TRIM37: variants seen among roughly 807,000 people sequenced by gnomAD.
TRIM37 encodes E3 ubiquitin-protein ligase TRIM37.
A neutral mutation model predicts 129.8 loss-of-function variants in TRIM37; 80 were observed. The observed-to-expected ratio is 0.62, with a 90% CI of 0.51 to 0.74. The LOEUF is 0.74. Among genes scored for constraint, TRIM37 ranks in the 30% least tolerant of loss-of-function variants. The pLI is 0.00. For missense variants in TRIM37, 1,054 were observed against 1,176.5 expected, an observed-to-expected ratio of 0.90 and a Z score of 1.52; for synonymous variants, 389 against 387.1, an observed-to-expected ratio of 1.00 and a Z score of -0.06.
intron 4 of TRIM37, among the ~76,000 whole-genome samples, chr17:59,085,251 G>A (rs1415377441): frequency 3.9e-5 from 6 of 151,936 alleles, no homozygotes; most frequent in African/African-American, 1.2e-4. Context: ...GCTTGAACCC[G>A]GGAGGCAGAG....
chr17:58,992,222 G>A (rs191621188), intron 24 of TRIM37, among the ~76,000 whole-genome samples: 96 of 144,742 alleles, frequency 6.6e-4, no homozygotes, highest in African/African-American at 2.4e-3. Context: ...TTGACTTCAG[G>A]ACAACTTACT....
At chr17:59,094,084 G>A (rs1182438254) in intron 2 of TRIM37, among the ~76,000 whole-genome samples, 2 of 152,018 alleles carry the variant, frequency 1.3e-5, no homozygotes, top group African/African-American at 4.8e-5. Flanking sequence ...TATTAGAGAT[G>A]GGGTTTTCCC....
At chr17:59,006,857 C>G (rs1200253127) in intron 22 of TRIM37, among the ~76,000 whole-genome samples, 3 of 151,828 alleles carry the variant, frequency 2.0e-5, no homozygotes, top group Non-Finnish European at 4.4e-5. Flanking sequence ...CCACTGCACT[C>G]CAGCCTGGGC....
Position 59,012,329 on chromosome 17 carries a change from T to C in TRIM37, c.2694A>G (p.Glu898=). 1 of 1,568,566 alleles carries C rather than the reference T, an allele frequency of 6.4e-7. No individual in the cohort carries two copies. The highest frequency in any genetic ancestry group is 2.3e-5 in the East Asian group (1 of 42,690). Residue 898 remains glutamate (E), a splice_region_variant and synonymous_variant, in exon 22 of 24, where the codon GAA becomes GAG. Transcript: ENST00000262294. Reference sequence around the variant, plus strand: ...ACTTATAAGTTTATCATTCCTTACCTTCTTCAGGGGCAGCTGAAGCTCCTT... The same window carrying C: ...ACTTATAAGTTTATCATTCCTTACCCTCTTCAGGGGCAGCTGAAGCTCCTT... ...LPEGASAAPE[E]GMSSDSDIEC...
chr17:59,059,838 C>T (rs1035281650), intron 12 of TRIM37, among the ~76,000 whole-genome samples: 1 of 152,200 alleles, frequency 6.6e-6, no homozygotes, highest in Non-Finnish European at 1.5e-5. Context: ...GAGACAAAAA[C>T]TTCCTTAGTG....
chr17:59,106,821 G>T lies in TRIM37; in HGVS notation c.-360C>A. On this transcript the variant is annotated 5_prime_UTR_variant, in exon 1 of 24. Coordinates refer to ENST00000262294, the MANE Select transcript of TRIM37 (RefSeq NM_015294.6). Reference sequence around the variant, plus strand: ...AGTTCAGCGAAGAAGGTGCCGCAGAGAATTCGCAAACACCAACCGTAACCA... The same window carrying T: ...AGTTCAGCGAAGAAGGTGCCGCAGATAATTCGCAAACACCAACCGTAACCA... 1 of 468,286 alleles carries T rather than the reference G, an allele frequency of 2.1e-6. No individual in the cohort carries two copies. The allele number at this position is 468,286 out of a possible 1,614,324, so 29.0% of individuals were successfully genotyped here.
Position 58,998,243 on chromosome 17 carries a change from T to C in TRIM37, c.*1134A>G, listed in dbSNP as rs1442344095. 30 of 985,344 alleles carry C rather than the reference T, an allele frequency of 3.0e-5. No individual in the cohort carries two copies. The highest frequency in any genetic ancestry group is 3.4e-5 in the Non-Finnish European group (28 of 829,946). 61.0% of individuals were successfully genotyped at this position (985,344 alleles called of 1,614,324 possible). On this transcript the variant is annotated 3_prime_UTR_variant, in exon 24 of 24. Transcript: ENST00000262294. ...TTATTAACAAAAAGTGCAAACTATTTTGAACAAAAGTAAACTATGAGTCAC... is the reference window on the plus strand; with the variant it reads ...TTATTAACAAAAAGTGCAAACTATTCTGAACAAAAGTAAACTATGAGTCAC...
At chr17:58,982,077 A>C (rs2143838211), downstream of TRIM37, 1 of 152,702 alleles carries the variant, frequency 6.5e-6, no homozygotes, top group South Asian at 2.1e-4. Context: ...GGAATGAAGG[A>C]GGCTGAAAGT....
chr17:59,008,872 G>T (rs1282513508), intron 22 of TRIM37, among the ~76,000 whole-genome samples: 1 of 152,166 alleles, frequency 6.6e-6, no homozygotes, highest in African/African-American at 2.4e-5. Flanking sequence ...AAATGTTAAA[G>T]TGTCACTTCT....
At chr17:59,102,531 A>C (rs569897469) in intron 2 of TRIM37, among the ~76,000 whole-genome samples, 4 of 152,336 alleles carry the variant, frequency 2.6e-5, no homozygotes, top group Non-Finnish European at 4.4e-5. Flanking sequence ...AAACAAGTAG[A>C]TATAGTATTT....
intron 2 of TRIM37, among the ~76,000 whole-genome samples, chr17:59,099,275 T>C (rs188663721): frequency 1.2e-4 from 19 of 152,304 alleles, no homozygotes; most frequent in Non-Finnish European, 1.5e-4. Flanking sequence ...GGACCGCATA[T>C]ACTACAGTAG....
chr17:58,969,724 G>A, the TRIM37 span: 1 of 1,614,098 alleles, frequency 6.2e-7, no homozygotes, highest in Non-Finnish European at 8.5e-7. Flanking sequence ...AAGCAGCCAG[G>A]GAGGTATGCC....
intron 16 of TRIM37, among the ~76,000 whole-genome samples, chr17:59,045,570 C>T (rs1393127411): frequency 6.8e-6 from 1 of 146,648 alleles, no homozygotes; most frequent in Admixed American, 7.0e-5. Flanking sequence ...ACCCGGGAGG[C>T]GGAGGTTGCA....
downstream of TRIM37, among the ~76,000 whole-genome samples, chr17:58,978,583 C>A (rs943335560): frequency 6.6e-6 from 1 of 152,012 alleles, no homozygotes; most frequent in Admixed American, 6.6e-5. Context: ...TGGTGGCGTA[C>A]GCCTGTAATC....
chr17:59,025,852 A>G (rs2037194017), intron 19 of TRIM37, among the ~76,000 whole-genome samples: 1 of 152,194 alleles, frequency 6.6e-6, no homozygotes, highest in Non-Finnish European at 1.5e-5. Context: ...ATTTGGTTTA[A>G]TATACCATTT....
At chr17:59,065,073 T>C (rs2041822156) in intron 9 of TRIM37, among the ~76,000 whole-genome samples, 1 of 151,774 alleles carries the variant, frequency 6.6e-6, no homozygotes, top group African/African-American at 2.4e-5. Context: ...AATCAATAAA[T>C]AAATACTTTA....
Position 59,070,837 on chromosome 17 carries a change from T to C in TRIM37, c.795A>G (p.Pro265=). 1.2e-6 allele frequency: 2 copies of C among 1,613,972 alleles called. No homozygotes were observed. Among genetic ancestry groups the C allele is most frequent in the Non-Finnish European group, 1.7e-6 (2 of 1,179,962 alleles). The change falls in exon 9 of 24, where the codon CCA becomes CCG. Residue 265 remains proline, a synonymous_variant. Coordinates refer to ENST00000262294, the MANE Select transcript of TRIM37 (RefSeq NM_015294.6). ...CTGTGTCATACCTGGTAAAGTCTGG[T>C]GGAACAGGAGTGGTAACAAAAGATG... is the stretch of plus-strand genomic sequence containing the variant. ...PMASFVTTPV[P]PDFTSELVPS... is the part of the protein sequence containing the mutation.
chr17:59,062,232 C>T (rs557949865), intron 11 of TRIM37, among the ~76,000 whole-genome samples: 1 of 152,116 alleles, frequency 6.6e-6, no homozygotes, highest in South Asian at 2.1e-4. Flanking sequence ...AATGGAATTG[C>T]ATATTGAAGA....
rs117864031 is a variant in TRIM37, at chr17:59,048,068, C to G, written c.1531-249G>C. On this transcript the variant is annotated intron_variant, in intron 15 of 23. Transcript: ENST00000262294. ...GTGTGACTGGAATCCTTCACATATTCCACATCAGCTTCCTCACAGAGTAAC... is the reference window on the plus strand; with the variant it reads ...GTGTGACTGGAATCCTTCACATATTGCACATCAGCTTCCTCACAGAGTAAC... Among the ~76,000 whole-genome samples, 1,737 of 152,262 alleles carry G rather than the reference C, an allele frequency of 0.011. 16 individuals are homozygous for G. The highest frequency in any genetic ancestry group is 0.018 in the Non-Finnish European group (1,219 of 68,028).
Sources: gnomAD v4.1 joint callset for allele counts (sites outside exome capture counted in the v4.1 genomes callset) on GRCh38, gnomAD v4.1.1 for gene constraint, MANE v1.5 for transcripts, NCBI Gene and HGNC (gene_info 2026-07-23, HGNC 2026-07-21) for gene names.